The following MYT1L variants were observed in gnomAD, a reference collection of about 807,000 sequenced individuals.
MYT1L encodes the protein myelin transcription factor 1-like protein.
A neutral mutation model predicts 126.7 loss-of-function variants in MYT1L; 12 were observed. The observed-to-expected ratio is 0.09, with a 90% CI of 0.06 to 0.15. MYT1L has a LOEUF of 0.15. Among genes scored for constraint, MYT1L ranks in the 10% least tolerant of loss-of-function variants. The pLI is 1.00. For missense variants in MYT1L, 979 were observed against 1,585.2 expected, an observed-to-expected ratio of 0.62 and a Z score of 6.49; for synonymous variants, 541 against 604.2, an observed-to-expected ratio of 0.90 and a Z score of 1.53.
At chr2:2,322,151 T>C (rs10206268) in intron 1 of MYT1L, among the ~76,000 whole-genome samples, 33,020 of 151,478 alleles carry the variant, frequency 0.22, 3,897 homozygotes, top group South Asian at 0.29. Flanking sequence ...GAATAAAAAA[T>C]ATTTACCTGT....
rs193094489 is a variant in MYT1L at position 1,855,619 on chromosome 2, T to C, written c.2712-3916A>G. On this transcript the variant is annotated intron_variant, in intron 18 of 24. Transcript: ENST00000647738. ...TAACAGCAAGGCTATTTTAAGTTCC[T>C]GTAGATGGTTAAGGTGTAAACTTGC... is the stretch of plus-strand genomic sequence containing the variant. Among the ~76,000 whole-genome samples, 16 of 152,364 alleles carry C rather than the reference T, an allele frequency of 1.1e-4. No individual in the cohort carries two copies. In the East Asian group the frequency reaches 3.1e-3, roughly 29 times the overall value.
intron 3 of MYT1L, among the ~76,000 whole-genome samples, chr2:2,084,138 T>C (rs1352111927): frequency 6.7e-6 from 1 of 149,752 alleles, no homozygotes; most frequent in East Asian, 2.0e-4. Flanking sequence ...TAGTATAGAC[T>C]GAGAGGGCTA....
intron 2 of MYT1L, among the ~76,000 whole-genome samples, chr2:2,218,334 A>T (rs1167543806): frequency 6.6e-6 from 1 of 152,230 alleles, no homozygotes; most frequent in African/African-American, 2.4e-5. Flanking sequence ...TCAACAGTTG[A>T]TTGATAAACA....
chr2:1,928,471 A>C lies in MYT1L; in HGVS notation c.506-5208T>G, dbSNP rs1244377407. On this transcript the variant is annotated intron_variant, in intron 9 of 24. Coordinates refer to ENST00000647738, the MANE Select transcript of MYT1L (RefSeq NM_001303052.2). ...CCACCTGGAGTTCTGGGTGTAGCACAGTCCTGAACATTCCACAGTGTTGCC... is the reference window on the plus strand; with the variant it reads ...CCACCTGGAGTTCTGGGTGTAGCACCGTCCTGAACATTCCACAGTGTTGCC... 2.4e-4 allele frequency among the ~76,000 whole-genome samples: 37 copies of C among 152,188 alleles called. 1 individual carries two copies. Among genetic ancestry groups the C allele is most frequent in the Admixed American group, 2.4e-3 (37 of 15,284 alleles).
rs2031910732 is a variant in MYT1L, at chr2:1,790,654, T to C, written c.*1213A>G. ...CAGAAACGTCGTGGTAAGAGTCCTC[T>C]GAATAGGACCAAATGCTGATTCAGA... On this transcript the variant is annotated 3_prime_UTR_variant, in exon 25 of 25. Coordinates refer to ENST00000647738, the MANE Select transcript of MYT1L (RefSeq NM_001303052.2). The C allele has an allele frequency of 6.5e-6, 1 of 153,040 alleles. No individual in the cohort carries two copies. The highest frequency in any genetic ancestry group is 2.4e-5 in the African/African-American group (1 of 41,436). The allele number at this position is 153,040 out of a possible 1,614,324, so 9.5% of individuals were successfully genotyped here.
rs1215587749 is a variant in MYT1L at position 2,228,294 on chromosome 2, G to T, written c.-420-55306C>A. ...ACAAAGATGCAAAAGTCCATCATAT[G>T]ACTTTCAAATTGGCAAAGGTGATAA... On this transcript the variant is annotated intron_variant, in intron 2 of 24. Coordinates refer to ENST00000647738, the MANE Select transcript of MYT1L (RefSeq NM_001303052.2). The surrounding 1 kb of genome is among the most constrained non-coding windows in gnomAD (Gnocchi z 5.9). Among the ~76,000 whole-genome samples, 1 of 152,178 alleles carries T rather than the reference G, an allele frequency of 6.6e-6. No individual in the cohort carries two copies. Among genetic ancestry groups the T allele is most frequent in the Non-Finnish European group, 1.5e-5 (1 of 68,036 alleles).
At chr2:2,061,450 C>A (rs192093400) in intron 3 of MYT1L, among the ~76,000 whole-genome samples, 5 of 152,024 alleles carry the variant, frequency 3.3e-5, no homozygotes, top group Admixed American at 2.6e-4. Flanking sequence ...GAAATTGAAA[C>A]AGCTGTGTTT....
At chr2:2,044,693 C>T (rs535200040) in intron 4 of MYT1L, among the ~76,000 whole-genome samples, 17 of 152,272 alleles carry the variant, frequency 1.1e-4, no homozygotes, top group East Asian at 9.6e-4. Context: ...GGTGATTGGG[C>T]GATGGGGGCC....
chr2:2,169,572 C>T (rs924191617), intron 3 of MYT1L, among the ~76,000 whole-genome samples: 5 of 152,214 alleles, frequency 3.3e-5, no homozygotes, highest in African/African-American at 1.2e-4. Flanking sequence ...ATACAGTCCC[C>T]TGCAACCGGA....
intron 1 of MYT1L, among the ~76,000 whole-genome samples, chr2:2,309,275 A>T (rs565519529): frequency 6.6e-6 from 1 of 151,284 alleles, no homozygotes; most frequent in Admixed American, 6.6e-5. Flanking sequence ...CTCCATCTAC[A>T]CTTCAGTATA....
At chr2:1,876,364 C>A (rs1356678312) in intron 18 of MYT1L, among the ~76,000 whole-genome samples, 1 of 152,118 alleles carries the variant, frequency 6.6e-6, no homozygotes, top group Non-Finnish European at 1.5e-5. Flanking sequence ...CCACGCGTGG[C>A]CTTCGTGCCA....
intron 4 of MYT1L, among the ~76,000 whole-genome samples, chr2:2,031,714 C>G (rs2066289583): frequency 7.0e-6 from 1 of 142,802 alleles, no homozygotes; most frequent in African/African-American, 2.6e-5. Context: ...TACACACCCC[C>G]TCACCAATGC....
At chr2:2,092,620 G>C (rs1043294358) in intron 3 of MYT1L, among the ~76,000 whole-genome samples, 1 of 152,208 alleles carries the variant, frequency 6.6e-6, no homozygotes, top group Non-Finnish European at 1.5e-5. Flanking sequence ...GTGAAGCACA[G>C]TAAAGGGAAG....
At chr2:2,104,080 G>A (rs2078444712) in intron 3 of MYT1L, among the ~76,000 whole-genome samples, 1 of 152,188 alleles carries the variant, frequency 6.6e-6, no homozygotes, top group African/African-American at 2.4e-5. Flanking sequence ...AGTCACTAAT[G>A]TGGTTTAAGA....
intron 3 of MYT1L, among the ~76,000 whole-genome samples, chr2:2,125,715 T>C (rs1234072972): frequency 6.6e-6 from 1 of 152,206 alleles, no homozygotes; most frequent in Non-Finnish European, 1.5e-5. Flanking sequence ...GGCATTCTTT[T>C]ATGGTACCCT....
chr2:2,300,749 A>G (rs961122934), intron 1 of MYT1L, among the ~76,000 whole-genome samples: 2 of 152,240 alleles, frequency 1.3e-5, no homozygotes, highest in African/African-American at 4.8e-5. Flanking sequence ...TAGCGGATTC[A>G]TAGAGTTGGC....
At chr2:2,129,905 C>CAAAAAA (rs11417173) in intron 3 of MYT1L, among the ~76,000 whole-genome samples, 1 of 118,642 alleles carries the variant, frequency 8.4e-6, no homozygotes, top group Non-Finnish European at 1.8e-5. Context: ...GACTCCATCT[C>CAAAAAA]AAAAAAAAAA....
intron 21 of MYT1L, among the ~76,000 whole-genome samples, chr2:1,822,757 G>C (rs1004023498): frequency 1.7e-5 from 2 of 118,226 alleles, no homozygotes; most frequent in Non-Finnish European, 3.5e-5. Context: ...GGCTGCTGCT[G>C]TGTCCACGGT....
At chr2:1,954,399 G>C (rs952913315) in intron 8 of MYT1L, among the ~76,000 whole-genome samples, 2 of 152,096 alleles carry the variant, frequency 1.3e-5, no homozygotes, top group African/African-American at 4.8e-5. Context: ...AACACCACAC[G>C]TGCAGTCAGT....
Sources: allele counts gnomAD v4.1 joint callset (sites outside exome capture counted in the v4.1 genomes callset), GRCh38; gene constraint gnomAD v4.1.1; non-coding constraint Gnocchi (gnomAD v3.1); transcripts MANE v1.5; gene names NCBI Gene and HGNC (gene_info 2026-07-23, HGNC 2026-07-21).